Variants in PCDH15 observed in about 807,000 individuals in gnomAD.
PCDH15 encodes the protein protocadherin related 15.
A neutral mutation model predicts 178.5 loss-of-function variants in PCDH15; 129 were observed. The observed-to-expected ratio is 0.72, with a 90% CI of 0.63 to 0.84. The LOEUF (loss-of-function observed/expected upper bound fraction) is 0.84. Among genes scored for constraint, PCDH15 ranks in the 40% least tolerant of loss-of-function variants. The pLI is 0.00. For synonymous variants in PCDH15, 800 were observed against 732.0 expected, an observed-to-expected ratio of 1.09 and a Z score of -1.50; for missense variants, 2,230 against 2,099.9, an observed-to-expected ratio of 1.06 and a Z score of -1.21.
At chr10:53,863,425 G>C (rs1334586802) in intron 27 of PCDH15, among the ~76,000 whole-genome samples, 1 of 152,122 alleles carries the variant, frequency 6.6e-6, no homozygotes, top group African/African-American at 2.4e-5. Context: ...GTTCAAGTAA[G>C]ATAAGGACTG....
chr10:54,416,905 G>A (rs188032418), intron 3 of PCDH15, among the ~76,000 whole-genome samples: 229 of 152,152 alleles, frequency 1.5e-3, no homozygotes, highest in Non-Finnish European at 2.5e-3. Context: ...ATGTTTGTTG[G>A]CCATGTAGAT....
intron 2 of PCDH15, among the ~76,000 whole-genome samples, chr10:54,569,642 G>T (rs2089516456): frequency 6.6e-6 from 1 of 152,102 alleles, no homozygotes; most frequent in South Asian, 2.1e-4. Context: ...TCCAAGGTTG[G>T]CTTTGGGGGA....
rs562378133 is a variant in PCDH15, at chr10:54,773,173, A to G, written c.-29+27752T>C. ...GCTTAATACCTAGGTGATGGTATGCATCTCTGCAGCAAACCACCATGGCAC... is the reference window on the plus strand; with the variant it reads ...GCTTAATACCTAGGTGATGGTATGCGTCTCTGCAGCAAACCACCATGGCAC... On this transcript the variant is annotated intron_variant, in intron 1 of 37. Transcript: ENST00000644397. Among the ~76,000 whole-genome samples the G allele has an allele frequency of 4.6e-4, 70 of 152,278 alleles. 1 individual carries two copies. The highest frequency in any genetic ancestry group is 1.7e-3 in the African/African-American group (69 of 41,574).
At chr10:55,328,113 T>C (rs1844082903) in intron 2 of PCDH15, among the ~76,000 whole-genome samples, 1 of 152,016 alleles carries the variant, frequency 6.6e-6, no homozygotes, top group African/African-American at 2.4e-5. Flanking sequence ...TATAACCATC[T>C]TTCCCTTATA....
chr10:54,094,525 C>T (rs539111095), intron 15 of PCDH15, among the ~76,000 whole-genome samples: 1 of 152,104 alleles, frequency 6.6e-6, no homozygotes, highest in Non-Finnish European at 1.5e-5. Context: ...TGAAAACAGG[C>T]CTGGTGAGTT....
At chr10:54,248,893 G>A (rs1415711023) in intron 8 of PCDH15, among the ~76,000 whole-genome samples, 1 of 151,328 alleles carries the variant, frequency 6.6e-6, no homozygotes, top group Non-Finnish European at 1.5e-5. Context: ...AAATCATCTA[G>A]AGACATTTTG....
At chr10:54,953,397 T>A (rs182326042) in intron 2 of PCDH15, among the ~76,000 whole-genome samples, 13 of 151,620 alleles carry the variant, frequency 8.6e-5, no homozygotes, top group Middle Eastern at 3.4e-3. Flanking sequence ...ATACTTTTAG[T>A]ACATTGTTGG....
rs1953773514 is a variant in PCDH15, at chr10:54,858,145, T to C, written c.-29+39305A>G. Among the ~76,000 whole-genome samples the C allele has an allele frequency of 1.3e-5, 2 of 152,210 alleles. 1 individual carries two copies. The highest frequency in any genetic ancestry group is 1.3e-4 in the Admixed American group (2 of 15,272). On this transcript the variant is annotated intron_variant, in intron 3 of 5. Transcript: ENST00000458638. Reference sequence around the variant, plus strand: ...TTAAAGTATTTTCAAATTCAAAGTATAGATGTGCTCATTCATTATTTGCCT... The same window carrying C: ...TTAAAGTATTTTCAAATTCAAAGTACAGATGTGCTCATTCATTATTTGCCT...
chr10:55,334,855 A>T (rs999852566), intron 2 of PCDH15, among the ~76,000 whole-genome samples: 1 of 152,164 alleles, frequency 6.6e-6, no homozygotes, highest in African/African-American at 2.4e-5. Flanking sequence ...AATGTAAAGG[A>T]TTATTTATAC....
intron 28 of PCDH15, among the ~76,000 whole-genome samples, chr10:53,852,012 C>T (rs1489169110): frequency 6.6e-6 from 1 of 151,618 alleles, no homozygotes; most frequent in Admixed American, 6.6e-5. Context: ...TTGTCAGTTC[C>T]GATTCATACA....
intron 2 of PCDH15, among the ~76,000 whole-genome samples, chr10:55,427,336 T>C (rs1838781576): frequency 6.6e-6 from 1 of 152,166 alleles, no homozygotes; most frequent in Non-Finnish European, 1.5e-5. Flanking sequence ...GAACACAATG[T>C]TATAAGGGTG....
chr10:55,308,224 G>C (rs1364319308), intron 1 of PCDH15, among the ~76,000 whole-genome samples: 1 of 152,142 alleles, frequency 6.6e-6, no homozygotes, highest in Non-Finnish European at 1.5e-5. Flanking sequence ...TGGGCCCTTG[G>C]TTTTGAGATG....
chr10:54,848,818 C>G (rs952114792), intron 3 of PCDH15, among the ~76,000 whole-genome samples: 14 of 152,218 alleles, frequency 9.2e-5, no homozygotes, highest in Admixed American at 3.9e-4. Flanking sequence ...GGCATTAGGA[C>G]TAATTTCAGC....
At chr10:54,805,494 G>C (rs181208772), upstream of PCDH15, among the ~76,000 whole-genome samples, 6 of 152,258 alleles carry the variant, frequency 3.9e-5, no homozygotes, top group African/African-American at 1.4e-4. Flanking sequence ...ACACCAATAA[G>C]TCTTTGTCAT....
At chr10:55,296,220 T>C (rs1171438630) in intron 1 of PCDH15, among the ~76,000 whole-genome samples, 1 of 152,094 alleles carries the variant, frequency 6.6e-6, no homozygotes, top group Non-Finnish European at 1.5e-5. Context: ...GTGAACCTCA[T>C]TGTTTAGAGG....
At chr10:54,172,970 A>C (rs1363811132) in intron 13 of PCDH15, among the ~76,000 whole-genome samples, 1 of 152,178 alleles carries the variant, frequency 6.6e-6, no homozygotes, top group East Asian at 1.9e-4. Context: ...TATCAAGGAA[A>C]GGGGATAACG....
chr10:55,071,128 C>A (rs1841733324), intron 2 of PCDH15, among the ~76,000 whole-genome samples: 1 of 152,118 alleles, frequency 6.6e-6, no homozygotes, highest in Non-Finnish European at 1.5e-5. Context: ...CAACCAGTAC[C>A]AGCCACTGCA....
chr10:54,085,510 A>C (rs2136005182), intron 16 of PCDH15, among the ~76,000 whole-genome samples: 1 of 152,276 alleles, frequency 6.6e-6, no homozygotes. Flanking sequence ...ATGTGTACTT[A>C]TTTGTGGATG....
chr10:55,622,226 G>C (rs1204063497), intron 2 of PCDH15, among the ~76,000 whole-genome samples: 1 of 142,166 alleles, frequency 7.0e-6, no homozygotes, highest in Non-Finnish European at 1.5e-5. Flanking sequence ...GCCCAGGCTG[G>C]TCTTAAACTC....
Sources: allele counts gnomAD v4.1 joint callset (sites outside exome capture counted in the v4.1 genomes callset), GRCh38; gene constraint gnomAD v4.1.1; transcripts MANE v1.5; gene names NCBI Gene and HGNC (gene_info 2026-07-23, HGNC 2026-07-21).